Variants in PPARGC1A observed in about 807,000 individuals in gnomAD.
PPARGC1A encodes the protein peroxisome proliferator-activated receptor gamma coactivator 1-alpha.
A neutral mutation model predicts 88.7 loss-of-function variants in PPARGC1A; 25 were observed. That is an observed-to-expected ratio of 0.28 (90% CI 0.21 to 0.39). The LOEUF is 0.39. Among genes scored for constraint, PPARGC1A ranks in the 10% least tolerant of loss-of-function variants. The probability of loss-of-function intolerance (pLI) is 1.00; values close to 1 mark genes in which losing one functional copy is unlikely to be tolerated. For missense variants in PPARGC1A, 880 were observed against 968.7 expected, an observed-to-expected ratio of 0.91 and a Z score of 1.22; for synonymous variants, 363 against 355.6, an observed-to-expected ratio of 1.02 and a Z score of -0.24.
chr4:24,057,166 A>G, the PPARGC1A span, among the ~76,000 whole-genome samples: 1 of 152,232 alleles, frequency 6.6e-6, no homozygotes, highest in African/African-American at 2.4e-5. Context: ...GATGAAACTT[A>G]AAGACATTAT....
At chr4:24,263,408 G>A in the PPARGC1A span, among the ~76,000 whole-genome samples, 2 of 151,788 alleles carry the variant, frequency 1.3e-5, no homozygotes, top group South Asian at 2.1e-4. Context: ...TTTAGGCCCT[G>A]TAGTGGATTC....
the PPARGC1A span, among the ~76,000 whole-genome samples, chr4:24,354,045 A>G: frequency 6.6e-6 from 1 of 152,198 alleles, no homozygotes; most frequent in African/African-American, 2.4e-5. Context: ...CTATCAAGGC[A>G]GGGCTGATCC....
the PPARGC1A span, among the ~76,000 whole-genome samples, chr4:24,264,576 T>A: frequency 6.6e-6 from 1 of 152,242 alleles, no homozygotes; most frequent in African/African-American, 2.4e-5. Context: ...ATTACATACA[T>A]CACCTCTTAG....
chr4:24,077,555 T>C, the PPARGC1A span, among the ~76,000 whole-genome samples: 6 of 151,670 alleles, frequency 4.0e-5, no homozygotes, highest in African/African-American at 9.7e-5. Flanking sequence ...GTTTTTTTTT[T>C]CTTCCTGAAT....
At chr4:24,134,099 A>G in the PPARGC1A span, among the ~76,000 whole-genome samples, 1 of 152,192 alleles carries the variant, frequency 6.6e-6, no homozygotes, top group Non-Finnish European at 1.5e-5. Flanking sequence ...CCAAACACAT[A>G]AAAGGTGATT....
chr4:24,007,449 A>G, the PPARGC1A span, among the ~76,000 whole-genome samples: 1 of 152,202 alleles, frequency 6.6e-6, no homozygotes, highest in Admixed American at 6.5e-5. Flanking sequence ...AAATATAGTA[A>G]AGGACTCCAT....
At chr4:23,963,866 C>T in the PPARGC1A span, among the ~76,000 whole-genome samples, 2 of 152,036 alleles carry the variant, frequency 1.3e-5, no homozygotes, top group Non-Finnish European at 2.9e-5. Context: ...AAGGATCGGC[C>T]AGGGAGGAAA....
the PPARGC1A span, among the ~76,000 whole-genome samples, chr4:24,461,865 C>T: frequency 2.0e-5 from 3 of 152,244 alleles, no homozygotes; most frequent in Admixed American, 1.3e-4. Context: ...GAACAAATGT[C>T]GCTGCCTTCT....
chr4:24,469,617 G>C, the PPARGC1A span, among the ~76,000 whole-genome samples: 2 of 152,058 alleles, frequency 1.3e-5, no homozygotes, highest in South Asian at 2.1e-4. Context: ...ATACCAGCCC[G>C]AGAGCCAATC....
chr4:24,449,186 T>C, the PPARGC1A span, among the ~76,000 whole-genome samples: 356 of 152,258 alleles, frequency 2.3e-3, 1 homozygote, highest in African/African-American at 8.0e-3. Context: ...CCCAATTTTC[T>C]AGCCCCTCAC....
chr4:24,372,418 T>C, the PPARGC1A span, among the ~76,000 whole-genome samples: 2 of 152,238 alleles, frequency 1.3e-5, no homozygotes, highest in Non-Finnish European at 2.9e-5. Flanking sequence ...GGTTCTGCTA[T>C]GCAGCTAGGG....
the PPARGC1A span, among the ~76,000 whole-genome samples, chr4:24,092,768 C>G: frequency 6.6e-6 from 1 of 152,274 alleles, no homozygotes; most frequent in Admixed American, 6.5e-5. Context: ...GTGCCCCATG[C>G]TCCCAAACTT....
the PPARGC1A span, among the ~76,000 whole-genome samples, chr4:24,387,832 G>GAAAGAAAGAAAGAA: frequency 5.0e-5 from 5 of 100,512 alleles, no homozygotes; most frequent in Non-Finnish European, 9.6e-5. Flanking sequence ...AAGAGAGAAA[G>GAAAGAAAGAAAGAA]AGAGAAAGAG....
At chr4:24,067,453 A>G in the PPARGC1A span, among the ~76,000 whole-genome samples, 1 of 152,228 alleles carries the variant, frequency 6.6e-6, no homozygotes, top group Non-Finnish European at 1.5e-5. Flanking sequence ...GTAGGAAGCC[A>G]TCAGCATTAA....
chr4:24,197,934 T>C, the PPARGC1A span, among the ~76,000 whole-genome samples: 3 of 152,196 alleles, frequency 2.0e-5, no homozygotes, highest in African/African-American at 7.2e-5. Flanking sequence ...CGGACTTAAA[T>C]TCACCCATCA....
rs116004385 is a variant in PPARGC1A, at chr4:23,874,961, G to A, written c.234+9791C>T. 3.0e-3 allele frequency among the ~76,000 whole-genome samples: 459 copies of A among 152,346 alleles called. 2 individuals carry two copies. The highest frequency in any genetic ancestry group is 0.011 in the African/African-American group (442 of 41,582). ...GGAACCAGGCACCTTGCTAAAGCTA[G>A]ATATCAAAAATTTGCATAAGTAGTT... is the stretch of plus-strand genomic sequence containing the variant. On this transcript the variant is annotated intron_variant, in intron 2 of 12. Transcript: ENST00000264867.
chr4:24,368,491 T>C, the PPARGC1A span, among the ~76,000 whole-genome samples: 2 of 152,170 alleles, frequency 1.3e-5, no homozygotes, highest in Admixed American at 1.3e-4. Context: ...TAGATCCTTG[T>C]CTGAAGCTGG....
At chr4:24,219,380 CG>C in the PPARGC1A span, among the ~76,000 whole-genome samples, 1 of 152,150 alleles carries the variant, frequency 6.6e-6, no homozygotes, top group Admixed American at 6.5e-5. Context: ...GCTACATTCC[CG>C]GGCCGAATCT....
the PPARGC1A span, among the ~76,000 whole-genome samples, chr4:24,445,045 C>T: frequency 2.6e-5 from 4 of 151,058 alleles, no homozygotes; most frequent in Non-Finnish European, 1.5e-5. Flanking sequence ...AGAGCAAGAC[C>T]CTGTCTCAAA....
Sources: gnomAD v4.1 joint callset for allele counts (sites outside exome capture counted in the v4.1 genomes callset) on GRCh38, gnomAD v4.1.1 for gene constraint, MANE v1.5 for transcripts, NCBI Gene and HGNC (gene_info 2026-07-23, HGNC 2026-07-21) for gene names.